The following IL34 variants were observed in gnomAD, a reference collection of about 807,000 sequenced individuals.
The protein encoded by IL34 is interleukin 34, also known as interleukin-34.
A neutral mutation model predicts 25.3 loss-of-function variants in IL34; 17 were observed. That is an observed-to-expected ratio of 0.67 (90% CI 0.46 to 1.01). The LOEUF is 1.01. Ranked by LOEUF, IL34 falls within the 50% of genes least tolerant of loss-of-function variation. The pLI is 0.00. For missense variants in IL34, 368 were observed against 312.9 expected (o/e 1.18, Z -1.33); for synonymous variants, 174 against 140.9 (o/e 1.23, Z -1.66).
intron 4 of IL34, chr16:70,657,442 G>A: frequency 3.6e-6 from 1 of 281,372 alleles, no homozygotes; most frequent in South Asian, 6.0e-5. Flanking sequence ...GGGTCCTGGA[G>A]GTGGGGTAGG....
At chr16:70,612,893 C>T (rs1567444374) in intron 1 of IL34, among the ~76,000 whole-genome samples, 1 of 152,212 alleles carries the variant, frequency 6.6e-6, no homozygotes, top group Non-Finnish European at 1.5e-5. Flanking sequence ...TAAAGCGATT[C>T]TCCTGCCTCA....
chr16:70,604,334 A>T (rs1239785274), intron 1 of IL34, among the ~76,000 whole-genome samples: 1 of 152,190 alleles, frequency 6.6e-6, no homozygotes, highest in Non-Finnish European at 1.5e-5. Flanking sequence ...GGACCTCTGC[A>T]AACACCCATT....
At chr16:70,622,838 G>A (rs571980601) in intron 1 of IL34, among the ~76,000 whole-genome samples, 7 of 152,128 alleles carry the variant, frequency 4.6e-5, no homozygotes, top group Admixed American at 2.0e-4. Flanking sequence ...CATAGTTTGC[G>A]ATTTTTAGGG....
chr16:70,638,793 G>A (rs1196795982), intron 1 of IL34, among the ~76,000 whole-genome samples: 1 of 151,996 alleles, frequency 6.6e-6, no homozygotes, highest in Non-Finnish European at 1.5e-5. Context: ...TGTTGCCCAG[G>A]CTGGTCTCAT....
chr16:70,657,303 G>C, intron 4 of IL34, 182 bp downstream of exon 4: 600 of 566,412 alleles, frequency 1.1e-3, no homozygotes, highest in Non-Finnish European at 1.5e-3. Flanking sequence ...GAAGGAAGAG[G>C]CAGCCGTGGT....
intron 1 of IL34, among the ~76,000 whole-genome samples, chr16:70,621,654 G>A (rs564782604): frequency 2.0e-5 from 3 of 152,208 alleles, no homozygotes; most frequent in South Asian, 2.1e-4. Flanking sequence ...GGCTTTGTGT[G>A]AGCAACATGG....
Position 70,583,377 on chromosome 16 carries a change from C to T in IL34, c.-401+3328C>T, listed in dbSNP as rs191333944. 2.3e-3 allele frequency among the ~76,000 whole-genome samples: 347 copies of T among 152,208 alleles called. 1 individual carries two copies. Among genetic ancestry groups the T allele is most frequent in the African/African-American group, 7.8e-3 (323 of 41,514 alleles). ...TCAGCCTTCCAAAGTGCTGGGATTA[C>T]AGGCATGAGCCACCGCACCTGGCAA... On this transcript the variant is annotated intron_variant, in intron 1 of 6. Coordinates refer to the IL34 transcript ENST00000429149.
chr16:70,606,326 A>T (rs572301779), intron 1 of IL34, among the ~76,000 whole-genome samples: 86 of 152,212 alleles, frequency 5.7e-4, no homozygotes, highest in Non-Finnish European at 1.0e-3. Flanking sequence ...TGAACCTGGG[A>T]GGTGGAGGTT....
Position 70,659,980 on chromosome 16 carries a change from T to C in IL34, c.539-17T>C, listed in dbSNP as rs189265997. 2,885 of 1,550,068 alleles carry C rather than the reference T, an allele frequency of 1.9e-3. 57 individuals carry two copies. The African/African-American group carries it at 0.035, about 19-fold the overall frequency. On this transcript the variant is annotated splice_polypyrimidine_tract_variant and intron_variant, in intron 5 of 5. Transcript: ENST00000288098. ...AACACTGCTGCAGTCTTTTTTTTTT[T>C]CCCCTATCTCTTGCAGGTAAACAAA... is the stretch of plus-strand genomic sequence containing the variant.
chr16:70,637,334 A>G (rs1022975829), intron 1 of IL34, among the ~76,000 whole-genome samples: 13 of 151,448 alleles, frequency 8.6e-5, no homozygotes, highest in East Asian at 1.9e-4. Context: ...AATTAATTCT[A>G]TGGTCCATGT....
chr16:70,609,557 G>A (rs973377870), intron 1 of IL34, among the ~76,000 whole-genome samples: 1 of 152,276 alleles, frequency 6.6e-6, no homozygotes, highest in Middle Eastern at 3.4e-3. Context: ...AAGCAAGTGC[G>A]TACCAAGTGC....
intron 2 of IL34, among the ~76,000 whole-genome samples, chr16:70,655,828 C>T (rs969507190): frequency 2.0e-5 from 3 of 152,188 alleles, no homozygotes; most frequent in Non-Finnish European, 4.4e-5. Context: ...CTCTCCTCAG[C>T]CTCCCAAGGT....
chr16:70,609,577 C>T (rs190819649), intron 1 of IL34, among the ~76,000 whole-genome samples: 2 of 152,272 alleles, frequency 1.3e-5, no homozygotes, highest in African/African-American at 4.8e-5. Context: ...CATGGCACAG[C>T]GCCTGGCACC....
chr16:70,621,996 A>G (rs2051292984), intron 1 of IL34, among the ~76,000 whole-genome samples: 1 of 152,074 alleles, frequency 6.6e-6, no homozygotes, highest in Admixed American at 6.5e-5. Context: ...ACTTCAGGCC[A>G]TCTGGGCGTA....
At chr16:70,617,905 A>G (rs2051198964) in intron 1 of IL34, among the ~76,000 whole-genome samples, 1 of 151,954 alleles carries the variant, frequency 6.6e-6, no homozygotes, top group South Asian at 2.1e-4. Flanking sequence ...ACCCTGTAGG[A>G]AAGGCCTCTA....
chr16:70,632,693 C>T (rs762250334), intron 1 of IL34, among the ~76,000 whole-genome samples: 4 of 152,068 alleles, frequency 2.6e-5, no homozygotes, highest in Non-Finnish European at 4.4e-5. Context: ...GGTATTTTTG[C>T]TGTGGGCAGA....
intron 1 of IL34, among the ~76,000 whole-genome samples, chr16:70,608,655 A>ACAGGTGAGTCAGCC (rs1437569533): frequency 2.6e-5 from 4 of 152,242 alleles, no homozygotes; most frequent in Non-Finnish European, 5.9e-5. Flanking sequence ...TCTGAGCAGC[A>ACAGGTGAGTCAGCC]CAGGTGAGTC....
chr16:70,612,045 T>G lies in IL34; in HGVS notation c.-401+31996T>G, dbSNP rs187023537. Among the ~76,000 whole-genome samples, 693 of 152,236 alleles carry G rather than the reference T, an allele frequency of 4.6e-3. 6 individuals carry two copies. Among genetic ancestry groups the G allele is most frequent in the African/African-American group, 0.016 (663 of 41,556 alleles). ...CCCTGTGTAAAAATAAAAGATAGCC[T>G]TCTGTCTTGAGGTTCCCTCCCTTCA... On this transcript the variant is annotated intron_variant, in intron 1 of 6. Coordinates refer to the IL34 transcript ENST00000429149.
intron 1 of IL34, among the ~76,000 whole-genome samples, chr16:70,629,134 A>C (rs774039486): frequency 6.6e-6 from 1 of 152,106 alleles, no homozygotes; most frequent in East Asian, 1.9e-4. Flanking sequence ...ATTTATAATC[A>C]TCTCATGTAC....
Sources: allele counts gnomAD v4.1 joint callset (sites outside exome capture counted in the v4.1 genomes callset), GRCh38; gene constraint gnomAD v4.1.1; transcripts MANE v1.5; gene names NCBI Gene and HGNC (gene_info 2026-07-23, HGNC 2026-07-21).